The following SLC5A6 variants were observed in gnomAD, a reference collection of about 807,000 sequenced individuals.
SLC5A6 encodes solute carrier family 5 member 6.
A neutral mutation model predicts 67.9 loss-of-function variants in SLC5A6; 31 were observed. The observed-to-expected ratio is 0.46, with a 90% CI of 0.34 to 0.62. The LOEUF is 0.62. Among genes scored for constraint, SLC5A6 ranks in the 20% least tolerant of loss-of-function variants. The probability of loss-of-function intolerance (pLI) is 0.01; values close to 1 mark genes in which losing one functional copy is unlikely to be tolerated. For synonymous variants in SLC5A6, 343 were observed against 331.0 expected (o/e 1.04, Z -0.39); for missense variants, 673 against 812.8 (o/e 0.83, Z 2.09).
At chr2:27,200,724 T>C (rs1572380059) in intron 16 of SLC5A6, 145 bp from the exon 17 acceptor site, 39 of 741,692 alleles carry the variant, frequency 5.3e-5, no homozygotes, top group South Asian at 5.0e-4. Context: ...AGGGAGGGCA[T>C]AGCACAGCAG....
intron 16 of SLC5A6, 89 bp downstream of exon 16, chr2:27,200,909 G>T: frequency 1.2e-6 from 1 of 836,232 alleles, no homozygotes; most frequent in Non-Finnish European, 1.9e-6. Context: ...CCGGGGCAGG[G>T]GGAGAGAAAA....
At chr2:27,204,740 G>A in intron 8 of SLC5A6, 51 bp downstream of exon 8, 1 of 1,611,652 alleles carries the variant, frequency 6.2e-7, no homozygotes, top group Non-Finnish European at 8.5e-7. Flanking sequence ...TATCTCTGGG[G>A]AACCCCTTCC....
rs752854555 is a variant in SLC5A6, at chr2:27,204,769, CCCTT to C, written c.875+18_875+21del. Reference sequence around the variant, plus strand: ...CCCTTCCCCTAGACCTTGCTCCACTCCCTTCCTGTCCCTGCACTCACAGCACAGC... The same window carrying C: ...CCCTTCCCCTAGACCTTGCTCCACTCCCTGTCCCTGCACTCACAGCACAGC... On this transcript the variant is annotated intron_variant, in intron 8 of 16. Transcript: ENST00000310574. 37 of 1,613,928 alleles carry C rather than the reference CCCTT, an allele frequency of 2.3e-5. No homozygotes were observed. The highest frequency in any genetic ancestry group is 2.9e-5 in the Non-Finnish European group (34 of 1,179,966).
rs1173639682 is a variant in SLC5A6, at chr2:27,207,563, C to T, written c.88G>A (p.Val30Met). The change falls in exon 3 of 17, where the codon GTG becomes ATG. Residue 30 changes from valine to methionine, a missense_variant. By Grantham distance (21) the Val-to-Met change is conservative. Transcript: ENST00000310574. This position sits in a 1 kb window ranked among gnomAD's most constrained non-coding sequence, Gnocchi z 5.5. Reference protein sequence around the residue: ...GMSTFSIMDYVVFVLLLVLSL... With the variant: ...GMSTFSIMDYMVFVLLLVLSL... ...AGAACCAGCAGCAGGACGAACACCA[C>T]ATAGTCCATGATGGAGAAGGTAGAC... The T allele has an allele frequency of 6.2e-7, 1 of 1,614,246 alleles. No homozygotes were observed. Among genetic ancestry groups the T allele is most frequent in the Admixed American group, 1.7e-5 (1 of 60,032 alleles).
At position 27,206,530 on chromosome 2, in the gene SLC5A6, A is replaced by G. The variant is rs1200351389; in HGVS notation, c.464T>C (p.Ile155Thr). 6.2e-7 allele frequency: 1 copy of G among 1,614,052 alleles called. No individual in the cohort carries two copies. Among genetic ancestry groups the G allele is most frequent in the Admixed American group, 1.7e-5 (1 of 60,028 alleles). Residue 155 changes from isoleucine (I) to threonine (T), a missense_variant, in exon 5 of 17, where the codon ATC becomes ACC. By Grantham distance (89) the Ile-to-Thr change is moderately conservative. Transcript: ENST00000310574. ...AGCATAGAGCACAACTCCCATGTAGATCACCTGTTGCATGTGGAAAAAATG... is the reference window on the plus strand; with the variant it reads ...AGCATAGAGCACAACTCCCATGTAGGTCACCTGTTGCATGTGGAAAAAATG... ...GTVTFIFQMVIYMGVVLYAPS... is the reference protein window; with the variant it reads ...GTVTFIFQMVTYMGVVLYAPS...
chr2:27,203,695 C>A (rs1673823017), intron 10 of SLC5A6, 84 bp downstream of exon 10: 8 of 1,009,206 alleles, frequency 7.9e-6, no homozygotes, highest in Non-Finnish European at 1.3e-5. Context: ...ATTCCCCACC[C>A]ACTATCACCC....
At chr2:27,209,842 A>C (rs1277874458) in intron 2 of SLC5A6, among the ~76,000 whole-genome samples, 1 of 152,200 alleles carries the variant, frequency 6.6e-6, no homozygotes, top group African/African-American at 2.4e-5. Context: ...AAAGAGGGAA[A>C]ATCAGACCTG....
At chr2:27,204,065 G>GGAAT (rs997297134) in intron 9 of SLC5A6, among the ~76,000 whole-genome samples, 198 bp from the exon 10 acceptor site, 1 of 152,120 alleles carries the variant, frequency 6.6e-6, no homozygotes, top group African/African-American at 2.4e-5. Context: ...CTCTACAGAG[G>GGAAT]GAATGACACA....
chr2:27,207,075 C>T lies in SLC5A6; in HGVS notation c.394-133G>A. 2 of 1,015,552 alleles carry T rather than the reference C, an allele frequency of 2.0e-6. No individual in the cohort carries two copies. The allele number at this position is 1,015,552 out of a possible 1,614,324, so 62.9% of individuals were successfully genotyped here. On this transcript the variant is annotated intron_variant, in intron 3 of 16. Coordinates refer to ENST00000310574, the MANE Select transcript of SLC5A6 (RefSeq NM_021095.4). The surrounding 1 kb of genome is among the most constrained non-coding windows in gnomAD (Gnocchi z 5.5). The stretch of plus-strand genomic sequence containing the variant: ...CTCTGAGTCCTACTCGGCATAGCAC[C>T]CTCCTCTCCAATCCTGCCCCTATAC...
chr2:27,207,330 A>T lies in SLC5A6; in HGVS notation c.321T>A (p.Phe107Leu). ...TGTGTGCAGGTATCAGCAGCCCCAGAAAGTAGCAGCAGCCCAGGAACCAAT... is the reference window on the plus strand; with the variant it reads ...TGTGTGCAGGTATCAGCAGCCCCAGTAAGTAGCAGCAGCCCAGGAACCAAT... ...TQYWFLGCCY[F>L]LGLLIPAHIF... The change falls in exon 3 of 17, where the codon TTT (phenylalanine) becomes TTA (leucine). Residue 107 changes from phenylalanine (F) to leucine (L), a missense_variant. Physicochemically the swap from Phe to Leu is conservative, Grantham distance 22 (BLOSUM62 0). Transcript: ENST00000310574. The surrounding 1 kb of genome is among the most constrained non-coding windows in gnomAD (Gnocchi z 5.5). 1 of 1,614,160 alleles carries T rather than the reference A, an allele frequency of 6.2e-7. No homozygotes were observed. Among genetic ancestry groups the T allele is most frequent in the South Asian group, 1.1e-5 (1 of 91,082 alleles).
In SLC5A6 at chr2:27,207,708, CA is replaced by C; in HGVS notation, c.-59del. On this transcript the variant is annotated 5_prime_UTR_variant, in exon 3 of 17. Transcript: ENST00000310574. This position sits in a 1 kb window ranked among gnomAD's most constrained non-coding sequence, Gnocchi z 5.5. The stretch of plus-strand genomic sequence containing the variant: ...GCTGCTCCAGGGCTCTGGGGTAGGG[CA>C]GGGGCGGATGTGTGGCTACAATCTG... 1 of 1,528,374 alleles carries C rather than the reference CA, an allele frequency of 6.5e-7. No individual in the cohort carries two copies. Among genetic ancestry groups the C allele is most frequent in the Non-Finnish European group, 8.9e-7 (1 of 1,120,302 alleles). The allele number at this position is 1,528,374 out of a possible 1,614,324, so 94.7% of individuals were successfully genotyped here.
At position 27,205,430 on chromosome 2, in the gene SLC5A6, G is replaced by A. The variant is rs762160828; in HGVS notation, c.654C>T (p.Ile218=). Residue 218 remains isoleucine, a synonymous_variant, in exon 7 of 17, where the codon ATC becomes ATT. Transcript: ENST00000310574. The part of the protein sequence containing the change: ...LVMFLGQLAV[I]IVGSAKVGGL... ...CGCCCACCTTGGCTGACCCCACAAT[G>A]ATAACTGCCAGCTGCCCGAGGAACA... 5 of 1,613,994 alleles carry A rather than the reference G, an allele frequency of 3.1e-6. No homozygotes were observed. Among genetic ancestry groups the A allele is most frequent in the Non-Finnish European group, 4.2e-6 (5 of 1,179,994 alleles).
Position 27,205,431 on chromosome 2 carries a change from A to C in SLC5A6, c.653T>G (p.Ile218Ser), listed in dbSNP as rs949806130. The C allele has an allele frequency of 6.2e-7, 1 of 1,614,098 alleles. No homozygotes were observed. Among genetic ancestry groups the C allele is most frequent in the South Asian group, 1.1e-5 (1 of 91,076 alleles). Residue 218 changes from isoleucine (I) to serine (S), a missense_variant, in exon 7 of 17, where the codon ATC becomes AGC. Physicochemically the swap from Ile to Ser is moderately radical, Grantham distance 142. Coordinates refer to ENST00000310574, the MANE Select transcript of SLC5A6 (RefSeq NM_021095.4). ...GCCCACCTTGGCTGACCCCACAATG[A>C]TAACTGCCAGCTGCCCGAGGAACAT... ...LVMFLGQLAV[I>S]IVGSAKVGGL...
upstream of SLC5A6, chr2:27,212,738 T>C: frequency 9.6e-7 from 1 of 1,037,204 alleles, no homozygotes; most frequent in Non-Finnish European, 1.3e-6. Context: ...AGACGGGTCC[T>C]CTGCCTCTTG....
At chr2:27,210,997 C>T (rs547809718) in intron 2 of SLC5A6, among the ~76,000 whole-genome samples, 4 of 152,260 alleles carry the variant, frequency 2.6e-5, no homozygotes, top group African/African-American at 9.6e-5. Context: ...GCACTCCAGC[C>T]TGGGCGACAG....
chr2:27,204,923 G>A lies in SLC5A6; in HGVS notation c.743C>T (p.Pro248Leu), dbSNP rs777713224. The A allele has an allele frequency of 1.2e-6, 2 of 1,613,360 alleles. No homozygotes were observed. The highest frequency in any genetic ancestry group is 1.3e-5 in the African/African-American group (1 of 75,034). Residue 248 changes from proline to leucine, a missense_variant, in exon 8 of 17, where the codon CCA becomes CTA. Transcript: ENST00000310574. ...GAAGGTGTGCCGCACAAAGGGGTCT[G>A]GATCCAGCCTGTAACAGACACCACC... ...HGRISGFELD[P>L]DPFVRHTFWT...
Position 27,203,764 on chromosome 2 carries a change from C to G in SLC5A6, c.1094+15G>C. The stretch of plus-strand genomic sequence containing the variant: ...CAGGTGCACCAGGCCTGAGGGAAAT[C>G]GTTAAAGTGGGTACCTGAGAGAGCC... On this transcript the variant is annotated intron_variant, in intron 10 of 16. Transcript: ENST00000310574. 1 of 1,603,732 alleles carries G rather than the reference C, an allele frequency of 6.2e-7. No individual in the cohort carries two copies. The highest frequency in any genetic ancestry group is 2.2e-5 in the East Asian group (1 of 44,832).
Position 27,207,478 on chromosome 2 carries a change from T to A in SLC5A6, c.173A>T (p.Glu58Val). Residue 58 changes from glutamate to valine, a missense_variant, in exon 3 of 17, where the codon GAG becomes GTG. Glu to Val is a moderately radical substitution (Grantham distance 121, BLOSUM62 -2). Transcript: ENST00000310574. The surrounding 1 kb of genome is among the most constrained non-coding windows in gnomAD (Gnocchi z 5.5). Reference sequence around the variant, plus strand: ...CATTTTGCGGTCCGCCATCAGCAGCTCACCAACAGTATGCCGGCCCCAGCC... The same window carrying A: ...CATTTTGCGGTCCGCCATCAGCAGCACACCAACAGTATGCCGGCCCCAGCC... The part of the protein sequence containing the change: ...CRGWGRHTVG[E>V]LLMADRKMGC... 1 of 1,614,124 alleles carries A rather than the reference T, an allele frequency of 6.2e-7. No individual in the cohort carries two copies. Among genetic ancestry groups the A allele is most frequent in the Admixed American group, 1.7e-5 (1 of 60,006 alleles).
At position 27,212,036 on chromosome 2, in the gene SLC5A6, G is replaced by C; in HGVS notation, c.-224C>G. The stretch of plus-strand genomic sequence containing the variant: ...CATGTTTACTGAGGGCGGATGGAGG[G>C]GCCCGAGTTTCTGCGAAGCCGCGAC... On this transcript the variant is annotated 5_prime_UTR_variant, in exon 1 of 17. Transcript: ENST00000310574. The C allele has an allele frequency of 3.5e-6, 3 of 863,610 alleles. No individual in the cohort carries two copies. The highest frequency in any genetic ancestry group is 5.1e-6 in the Non-Finnish European group (3 of 586,052). 53.5% of individuals were successfully genotyped at this position (863,610 alleles called of 1,614,324 possible).
Sources: gnomAD v4.1 joint callset for allele counts (sites outside exome capture counted in the v4.1 genomes callset) on GRCh38, gnomAD v4.1.1 for gene constraint, Gnocchi (gnomAD v3.1) non-coding constraint, MANE v1.5 for transcripts, NCBI Gene and HGNC (gene_info 2026-07-23, HGNC 2026-07-21) for gene names.